Variants in CFH observed in about 807,000 individuals in gnomAD.
CFH encodes complement factor H.
Under a neutral mutation model 147.3 loss-of-function variants are expected in CFH, and 53 were observed. The ratio of observed to expected loss-of-function variants is 0.36; its 90% confidence interval spans 0.29 to 0.45. The LOEUF (loss-of-function observed/expected upper bound fraction) is 0.45, where lower values mean the gene tolerates loss of function less well. CFH is among the 20% of genes least tolerant of loss of function. The probability of loss-of-function intolerance (pLI) is 1.00; values close to 1 mark genes in which losing one functional copy is unlikely to be tolerated. For synonymous variants in CFH, 536 were observed against 489.4 expected, an observed-to-expected ratio of 1.10 and a Z score of -1.26; for missense variants, 1,380 against 1,498.0, an observed-to-expected ratio of 0.92 and a Z score of 1.30.
chr1:196,691,160 A>T (rs1558162566), intron 9 of CFH, among the ~76,000 whole-genome samples: 2 of 151,954 alleles, frequency 1.3e-5, no homozygotes, highest in African/African-American at 4.8e-5. Flanking sequence ...TATCAATATT[A>T]ATATGTACAT....
At chr1:196,657,793 TG>T (rs1453456387) in intron 1 of CFH, among the ~76,000 whole-genome samples, 1 of 152,072 alleles carries the variant, frequency 6.6e-6, no homozygotes, top group African/African-American at 2.4e-5. Context: ...TAATATCTAC[TG>T]TTTTTTATGC....
At chr1:196,663,214 G>A (rs1666966820) in intron 1 of CFH, among the ~76,000 whole-genome samples, 2 of 151,768 alleles carry the variant, frequency 1.3e-5, no homozygotes, top group Admixed American at 1.3e-4. Context: ...TTCCAACATT[G>A]CTCTGGCTTT....
At chr1:196,676,104 T>G in intron 4 of CFH, 39 bp downstream of exon 4, 2 of 1,234,430 alleles carry the variant, frequency 1.6e-6, no homozygotes, top group Non-Finnish European at 2.3e-6. Flanking sequence ...TTGAAATAAA[T>G]ATCTAAGATT....
intron 7 of CFH, 108 bp from the exon 8 acceptor site, chr1:196,689,312 T>A: frequency 9.6e-7 from 1 of 1,039,368 alleles, no homozygotes; most frequent in Non-Finnish European, 1.4e-6. Flanking sequence ...ATGGAATGTG[T>A]AATTATACTA....
At chr1:196,727,510 T>C (rs117210230) in intron 14 of CFH, among the ~76,000 whole-genome samples, 1,886 of 152,072 alleles carry the variant, frequency 0.012, 59 homozygotes, top group East Asian at 0.089. Context: ...AAAACAAAAA[T>C]ATTAAAAAAT....
intron 10 of CFH, among the ~76,000 whole-genome samples, chr1:196,714,662 TATATATAGAGAGAGAGAGAGAGAG>T (rs1296376780): frequency 2.4e-4 from 9 of 37,468 alleles, no homozygotes; most frequent in Admixed American, 3.7e-4. Flanking sequence ...TATATATATA[TATATATAGAGAGAGAGAGAGAGAG>T]AGAGAGAGAG....
intron 9 of CFH, among the ~76,000 whole-genome samples, chr1:196,704,422 C>A (rs997571751): frequency 1.3e-5 from 2 of 152,144 alleles, no homozygotes; most frequent in Admixed American, 1.3e-4. Context: ...GTACTCTTAA[C>A]CAAACTAAAT....
intron 10 of CFH, among the ~76,000 whole-genome samples, chr1:196,714,649 A>ATATATATATATG (rs1668810186): frequency 2.2e-5 from 1 of 46,230 alleles, no homozygotes; most frequent in Non-Finnish European, 4.1e-5. Flanking sequence ...ATATATATAT[A>ATATATATATATG]TATATATATA....
At chr1:196,739,830 C>T (rs1652746254) in intron 17 of CFH, among the ~76,000 whole-genome samples, 1 of 152,170 alleles carries the variant, frequency 6.6e-6, no homozygotes, top group African/African-American at 2.4e-5. Flanking sequence ...TACCAATTTA[C>T]TGTATTAGTC....
At chr1:196,690,425 T>A (rs1185525583) in intron 9 of CFH, 186 bp downstream of exon 9, 1 of 786,742 alleles carries the variant, frequency 1.3e-6, no homozygotes, top group Non-Finnish European at 2.2e-6. Context: ...GATAAGTACA[T>A]AGTAAAATAA....
intron 9 of CFH, among the ~76,000 whole-genome samples, chr1:196,692,692 C>A (rs1668080028): frequency 1.5e-5 from 2 of 134,160 alleles, no homozygotes; most frequent in Admixed American, 1.6e-4. Flanking sequence ...CTTTCTTTCT[C>A]TTTCCCTTCC....
At chr1:196,671,276 G>A (rs945437113) in intron 1 of CFH, among the ~76,000 whole-genome samples, 1 of 152,008 alleles carries the variant, frequency 6.6e-6, no homozygotes, top group African/African-American at 2.4e-5. Flanking sequence ...GAATCTGAGT[G>A]TCTAGTTCTA....
chr1:196,692,807 TTTCTTTC>T (rs1241456195), intron 9 of CFH, among the ~76,000 whole-genome samples: 1 of 82,690 alleles, frequency 1.2e-5, no homozygotes, highest in Non-Finnish European at 2.5e-5. Flanking sequence ...TCTTTCTTTC[TTTCTTTC>T]TTTCTTTCTC....
chr1:196,718,179 T>C lies in CFH; in HGVS notation c.1696+2410T>C, dbSNP rs538582800. Among the ~76,000 whole-genome samples the C allele has an allele frequency of 2.6e-5, 4 of 152,150 alleles. No homozygotes were observed. The East Asian group carries it at 7.7e-4, about 29-fold the overall frequency. On this transcript the variant is annotated intron_variant, in intron 11 of 21. Coordinates refer to ENST00000367429, the MANE Select transcript of CFH (RefSeq NM_000186.4). Reference sequence around the variant, plus strand: ...AAAATGGTGAAAACACAAGCACAGGTCTACTTATCCAGAGATTTTATTCTA... The same window carrying C: ...AAAATGGTGAAAACACAAGCACAGGCCTACTTATCCAGAGATTTTATTCTA...
chr1:196,654,920 C>T (rs1201330072), intron 1 of CFH, among the ~76,000 whole-genome samples: 2 of 152,020 alleles, frequency 1.3e-5, no homozygotes, highest in Non-Finnish European at 2.9e-5. Flanking sequence ...CTCCCCCAAA[C>T]CCCCATATTT....
At chr1:196,673,607 A>T (rs984192347) in intron 2 of CFH, among the ~76,000 whole-genome samples, 1 of 152,186 alleles carries the variant, frequency 6.6e-6, no homozygotes, top group Non-Finnish European at 1.5e-5. Context: ...AAGTGCTGGG[A>T]TTACAGGCGT....
chr1:196,657,730 CTTTATAATA>C (rs1461421259), intron 1 of CFH, among the ~76,000 whole-genome samples: 1 of 151,990 alleles, frequency 6.6e-6, no homozygotes. Flanking sequence ...TGTAACTTTG[CTTTATAATA>C]TATTCTGATA....
chr1:196,740,735 G>C lies in CFH; in HGVS notation c.2899G>C (p.Gly967Arg). Reference sequence around the variant, plus strand: ...ATGTTTTGAAGGTTTTGGAATTGATGGGCCTGCAATTGCAAAATGCTTAGG... The same window carrying C: ...ATGTTTTGAAGGTTTTGGAATTGATCGGCCTGCAATTGCAAAATGCTTAGG... ...YKCFEGFGID[G>R]PAIAKCLGEK... Residue 967 changes from glycine to arginine, a missense_variant, in exon 18 of 22, where the codon GGG becomes CGG. Coordinates refer to ENST00000367429, the MANE Select transcript of CFH (RefSeq NM_000186.4). The C allele has an allele frequency of 6.2e-7, 1 of 1,613,908 alleles. No homozygotes were observed. The highest frequency in any genetic ancestry group is 8.5e-7 in the Non-Finnish European group (1 of 1,179,938).
chr1:196,695,270 T>G (rs1668212221), intron 9 of CFH, among the ~76,000 whole-genome samples: 1 of 152,204 alleles, frequency 6.6e-6, no homozygotes, highest in African/African-American at 2.4e-5. Context: ...GGGAATCTTT[T>G]CCCTATTGCT....
Sources: gnomAD v4.1 joint callset for allele counts (sites outside exome capture counted in the v4.1 genomes callset) on GRCh38, gnomAD v4.1.1 for gene constraint, MANE v1.5 for transcripts, NCBI Gene and HGNC (gene_info 2026-07-23, HGNC 2026-07-21) for gene names.